Variants in MEOX2 observed in about 807,000 individuals in gnomAD.
The protein encoded by MEOX2 is homeobox protein MOX-2.
Under a neutral mutation model 27.0 loss-of-function variants are expected in MEOX2, and 11 were observed. The observed-to-expected ratio is 0.41, with a 90% CI of 0.26 to 0.68. The LOEUF is 0.68. Ranked by LOEUF, MEOX2 falls within the 30% of genes least tolerant of loss-of-function variation. The probability of loss-of-function intolerance (pLI) is 0.33; values close to 1 mark genes in which losing one functional copy is unlikely to be tolerated. For missense variants in MEOX2, 436 were observed against 385.4 expected (o/e 1.13, Z -1.10); for synonymous variants, 189 against 155.4 (o/e 1.22, Z -1.61).
chr7:15,625,505 A>G (rs1258718746), intron 2 of MEOX2, among the ~76,000 whole-genome samples: 5 of 152,244 alleles, frequency 3.3e-5, no homozygotes, highest in Non-Finnish European at 7.3e-5. Context: ...GTAAAAATTA[A>G]CAGAAGGAAA....
At chr7:15,625,576 C>G (rs796656149) in intron 2 of MEOX2, among the ~76,000 whole-genome samples, 2 of 152,130 alleles carry the variant, frequency 1.3e-5, no homozygotes, top group African/African-American at 4.8e-5. Context: ...ATTCATTTGT[C>G]CACACCCTGT....
At chr7:15,668,584 C>T (rs901316715) in intron 1 of MEOX2, among the ~76,000 whole-genome samples, 4 of 152,030 alleles carry the variant, frequency 2.6e-5, no homozygotes, top group African/African-American at 4.8e-5. Flanking sequence ...TGGGTTCAAG[C>T]GATTCTCCTG....
intron 1 of MEOX2, among the ~76,000 whole-genome samples, chr7:15,630,775 T>G (rs1354569742): frequency 6.6e-6 from 1 of 152,142 alleles, no homozygotes; most frequent in Non-Finnish European, 1.5e-5. Flanking sequence ...TCAGAAAAAT[T>G]TATGAAATCA....
rs546769773 is a variant in MEOX2 at position 15,639,577 on chromosome 7, T to C, written c.518-12659A>G. 2.0e-5 allele frequency among the ~76,000 whole-genome samples: 3 copies of C among 151,866 alleles called. No individual in the cohort carries two copies. In the South Asian group the frequency reaches 6.2e-4, roughly 31 times the overall value. On this transcript the variant is annotated intron_variant, in intron 1 of 2. Transcript: ENST00000262041. ...TAAAAAAGTTCTTCCTAGATTTTCC[T>C]CTTTTTTTTATAGTTTTGGGTCTTA...
At chr7:15,639,731 C>T (rs993323534) in intron 1 of MEOX2, among the ~76,000 whole-genome samples, 2 of 151,954 alleles carry the variant, frequency 1.3e-5, no homozygotes, top group African/African-American at 4.8e-5. Flanking sequence ...GTCTTTTCTC[C>T]ATGTTTATTT....
intron 2 of MEOX2, among the ~76,000 whole-genome samples, chr7:15,620,575 A>AC (rs758466745): frequency 0.049 from 7,513 of 151,970 alleles, 243 homozygotes; most frequent in African/African-American, 0.1. Flanking sequence ...AACAACAACA[A>AC]AAAAGCAAAA....
chr7:15,662,377 G>A (rs73288136), intron 1 of MEOX2, among the ~76,000 whole-genome samples: 3,725 of 151,946 alleles, frequency 0.025, 132 homozygotes, highest in African/African-American at 0.085. Context: ...AGGAAAGATT[G>A]AGACAATTCT....
chr7:15,612,308 C>G lies in MEOX2; in HGVS notation c.*79G>C. ...TTAAACATCACTGCCATAGTCATCT[C>G]TCTGTGTAAACGATATTTGGGTAAG... On this transcript the variant is annotated 3_prime_UTR_variant, in exon 3 of 3. Coordinates refer to ENST00000262041, the MANE Select transcript of MEOX2 (RefSeq NM_005924.5). The G allele has an allele frequency of 9.0e-7, 1 of 1,105,876 alleles. No individual in the cohort carries two copies. Among genetic ancestry groups the G allele is most frequent in the Non-Finnish European group, 1.4e-6 (1 of 724,284 alleles). 68.5% of individuals were successfully genotyped at this position (1,105,876 alleles called of 1,614,324 possible). A position where few individuals can be genotyped will look rare whatever the true frequency, so the allele number is the denominator to read the frequency against.
At chr7:15,656,607 CT>C (rs1463490336) in intron 1 of MEOX2, among the ~76,000 whole-genome samples, 1 of 151,740 alleles carries the variant, frequency 6.6e-6, no homozygotes, top group Non-Finnish European at 1.5e-5. Flanking sequence ...CCTGACCTCC[CT>C]TTATTCCTCT....
intron 2 of MEOX2, 83 bp from the exon 3 acceptor site, chr7:15,612,694 A>G: frequency 8.6e-7 from 1 of 1,158,818 alleles, no homozygotes; most frequent in Non-Finnish European, 1.3e-6. Context: ...TCATCAATGA[A>G]AAGAAGTTCC....
At chr7:15,630,915 A>G (rs933410903) in intron 1 of MEOX2, among the ~76,000 whole-genome samples, 1 of 151,914 alleles carries the variant, frequency 6.6e-6, no homozygotes, top group African/African-American at 2.4e-5. Context: ...CTTTTTTCAA[A>G]GTAAACAACC....
intron 1 of MEOX2, among the ~76,000 whole-genome samples, chr7:15,649,951 T>G (rs1462329359): frequency 6.6e-6 from 1 of 152,070 alleles, no homozygotes; most frequent in African/African-American, 2.4e-5. Context: ...AGCAGAGTGC[T>G]AGAACCATAT....
chr7:15,627,197 T>A (rs966613224), intron 1 of MEOX2, among the ~76,000 whole-genome samples: 1 of 152,080 alleles, frequency 6.6e-6, no homozygotes, highest in East Asian at 1.9e-4. Context: ...AGTATGATAT[T>A]AAGATAAACC....
At chr7:15,671,792 C>A (rs73288145) in intron 1 of MEOX2, among the ~76,000 whole-genome samples, 1 of 151,988 alleles carries the variant, frequency 6.6e-6, no homozygotes, top group African/African-American at 2.4e-5. Context: ...CATGATGGCT[C>A]ACACCTGTAA....
intron 2 of MEOX2, among the ~76,000 whole-genome samples, chr7:15,623,517 C>T (rs2115357992): frequency 6.6e-6 from 1 of 152,206 alleles, no homozygotes; most frequent in South Asian, 2.1e-4. Context: ...TTATAGGTGC[C>T]TGCCACCACG....
intron 1 of MEOX2, among the ~76,000 whole-genome samples, chr7:15,639,467 A>G (rs1781528709): frequency 6.6e-6 from 1 of 152,012 alleles, no homozygotes; most frequent in Admixed American, 6.6e-5. Flanking sequence ...TGCTGTGCAG[A>G]AGCTCTTTAG....
chr7:15,623,020 C>A (rs1781244604), intron 2 of MEOX2, among the ~76,000 whole-genome samples: 1 of 152,172 alleles, frequency 6.6e-6, no homozygotes, highest in South Asian at 2.1e-4. Flanking sequence ...ACTTCCCATC[C>A]TCCAGAACTG....
intron 2 of MEOX2, among the ~76,000 whole-genome samples, chr7:15,619,640 A>ATG (rs1380972656): frequency 9.2e-5 from 14 of 152,032 alleles, no homozygotes; most frequent in African/African-American, 3.1e-4. Context: ...ATACACAGAT[A>ATG]TGTGTGTGTG....
chr7:15,653,340 G>T (rs991454315), intron 1 of MEOX2, among the ~76,000 whole-genome samples: 16 of 151,736 alleles, frequency 1.1e-4, no homozygotes, highest in African/African-American at 3.4e-4. Flanking sequence ...TTTTTTTATT[G>T]TTGAGACTTG....
Sources: allele counts gnomAD v4.1 joint callset (sites outside exome capture counted in the v4.1 genomes callset), GRCh38; gene constraint gnomAD v4.1.1; transcripts MANE v1.5; gene names NCBI Gene and HGNC (gene_info 2026-07-23, HGNC 2026-07-21).